Variants in BCLAF3 observed in about 807,000 individuals in gnomAD.
BCLAF3 encodes the protein BCLAF1 and THRAP3 family member 3.
Under a neutral mutation model 51.2 loss-of-function variants are expected in BCLAF3, and 24 were observed. The ratio of observed to expected loss-of-function variants is 0.47; its 90% CI spans 0.34 to 0.66. The LOEUF (loss-of-function observed/expected upper bound fraction) is 0.66. Among genes scored for constraint, BCLAF3 ranks in the 30% least tolerant of loss-of-function variants. BCLAF3 has a pLI of 0.01. For synonymous variants in BCLAF3, 152 were observed against 176.6 expected, an observed-to-expected ratio of 0.86 and a Z score of 1.10; for missense variants, 465 against 525.1, an observed-to-expected ratio of 0.89 and a Z score of 1.12.
chrX:19,918,815 C>A (rs899266279), intron 11 of BCLAF3, among the ~76,000 whole-genome samples: 8 of 110,151 alleles, frequency 7.3e-5, no homozygotes, highest in African/African-American at 2.6e-4. Flanking sequence ...GCTGGGATTA[C>A]AGGTGTGAGC....
intron 1 of BCLAF3, among the ~76,000 whole-genome samples, chrX:19,982,414 C>G (rs1038688014): frequency 1.9e-4 from 21 of 111,339 alleles, no homozygotes; most frequent in African/African-American, 6.5e-4. Flanking sequence ...AAGAGACCAT[C>G]ATGGATTATT....
chrX:19,930,004 A>C lies in BCLAF3; in HGVS notation c.1951-64T>G, dbSNP rs1188016943. On this transcript the variant is annotated intron_variant, in intron 10 of 11. Coordinates refer to ENST00000379682, the MANE Select transcript of BCLAF3 (RefSeq NM_001367774.2). ...ACCTTCCAAGTCTACTTTATTAGTA[A>C]ACAGATGAGTGGGTGGTTGGGTGCA... 5 of 1,102,102 alleles carry C rather than the reference A, an allele frequency of 4.5e-6. No homozygotes were observed. The East Asian group carries it at 1.5e-4, about 34-fold the overall frequency. 90.8% of individuals were successfully genotyped at this position (1,102,102 alleles called of 1,213,427 possible). A position where few individuals can be genotyped will look rare whatever the true frequency, so the allele number is the denominator to read the frequency against.
At chrX:19,979,361 A>G (rs1699713017) in intron 1 of BCLAF3, among the ~76,000 whole-genome samples, 1 of 111,771 alleles carries the variant, frequency 8.9e-6, no homozygotes, top group Non-Finnish European at 1.9e-5. Flanking sequence ...ATCAGTAGAA[A>G]GATGATGCGT....
chrX:19,985,478 C>T (rs1032956521), intron 1 of BCLAF3, among the ~76,000 whole-genome samples: 1 of 110,060 alleles, frequency 9.1e-6, no homozygotes, highest in East Asian at 2.8e-4. Flanking sequence ...CCTAGCTTCT[C>T]GGGAGGTTGA....
chrX:19,958,225 TA>T (rs2071731514), intron 4 of BCLAF3, among the ~76,000 whole-genome samples: 2 of 111,924 alleles, frequency 1.8e-5, no homozygotes, highest in Non-Finnish European at 3.8e-5. Context: ...GCGTTGTGGG[TA>T]ATAACCAAGA....
intron 1 of BCLAF3, among the ~76,000 whole-genome samples, chrX:19,985,332 G>A (rs772024285): frequency 4.6e-4 from 52 of 112,005 alleles, no homozygotes; most frequent in African/African-American, 1.5e-3. Context: ...TAATCCCACT[G>A]CTTTGGGAGG....
intron 6 of BCLAF3, 89 bp downstream of exon 6, chrX:19,953,689 A>C: frequency 1.6e-6 from 1 of 622,920 alleles, no homozygotes. Context: ...AGCCCAAGTG[A>C]GCAGGTTCGG....
In BCLAF3 at chrX:19,960,525, T is replaced by A. The variant is rs149636648; in HGVS notation, c.1274+4519A>T. Among the ~76,000 whole-genome samples the A allele has an allele frequency of 5.9e-3, 659 of 112,256 alleles. 9 individuals carry two copies. Among genetic ancestry groups the A allele is most frequent in the African/African-American group, 0.019 (598 of 30,934 alleles). On this transcript the variant is annotated intron_variant, in intron 4 of 11. Transcript: ENST00000379682. Reference sequence around the variant, plus strand: ...AGGGAACCTTCTCTCAATTAATTTTTGATTTTAAAATGCATATGAGAAATT... The same window carrying A: ...AGGGAACCTTCTCTCAATTAATTTTAGATTTTAAAATGCATATGAGAAATT...
chrX:19,971,710 C>T (rs1603336947), intron 1 of BCLAF3, among the ~76,000 whole-genome samples: 1 of 111,747 alleles, frequency 8.9e-6, no homozygotes, highest in Non-Finnish European at 1.9e-5. Context: ...TGGTCCCAAA[C>T]CCCTGGTGGC....
intron 11 of BCLAF3, among the ~76,000 whole-genome samples, chrX:19,927,205 C>A (rs751908627): frequency 2.9e-4 from 32 of 110,552 alleles, no homozygotes; most frequent in Non-Finnish European, 5.3e-4. Context: ...CCAGCCTGGG[C>A]AACAAGAATG....
rs1569507626 is a variant in BCLAF3, at chrX:19,965,058, TGTTTTCTTCACA to T, written c.1248_1259del (p.Asp416_Thr420delinsGlu). On this transcript the variant is annotated inframe_deletion, in exon 4 of 12. Transcript: ENST00000379682. ...AAAGATAATACCTGAATGTATCTAC[TGTTTTCTTCACA>T]TCTACTTTAACTGTAAGTGATTTCT... The T allele has an allele frequency of 8.6e-7, 1 of 1,161,963 alleles. No individual in the cohort carries two copies. The highest frequency in any genetic ancestry group is 1.1e-6 in the Non-Finnish European group (1 of 873,707).
intron 10 of BCLAF3, among the ~76,000 whole-genome samples, chrX:19,934,946 A>G (rs1370624137): frequency 1.8e-5 from 2 of 111,665 alleles, no homozygotes; most frequent in East Asian, 5.6e-4. Context: ...AGCACTTTGG[A>G]AGGCCAACGT....
At chrX:19,922,560 C>T (rs2070204006) in intron 11 of BCLAF3, among the ~76,000 whole-genome samples, 1 of 111,354 alleles carries the variant, frequency 9.0e-6, no homozygotes, top group Admixed American at 9.6e-5. Context: ...TAACATTATG[C>T]ACCAAATAGA....
chrX:19,929,093 G>C (rs1302527352), intron 11 of BCLAF3: 6 of 111,679 alleles, frequency 5.4e-5, no homozygotes, highest in Non-Finnish European at 1.1e-4. Context: ...AAAAAAATAA[G>C]TATGTGAGGT....
At position 19,977,713 on chromosome X, in the gene BCLAF3, C is replaced by T. The variant is rs750051829; in HGVS notation, c.-34-7415G>A. On this transcript the variant is annotated intron_variant, in intron 1 of 11. Transcript: ENST00000379682. ...ATGAAGGTGGTTACATTAAACAACA[C>T]GTTTTCAGTGTAGATGAAACAGCCT... 4.4e-5 allele frequency among the ~76,000 whole-genome samples: 5 copies of T among 112,677 alleles called. No homozygotes were observed. In the South Asian group the frequency reaches 1.1e-3, roughly 25 times the overall value.
intron 4 of BCLAF3, among the ~76,000 whole-genome samples, chrX:19,959,462 G>C (rs1304647013): frequency 1.8e-5 from 2 of 111,541 alleles, no homozygotes; most frequent in Non-Finnish European, 3.8e-5. Flanking sequence ...GTTTCAGCTA[G>C]AGAGATGATA....
chrX:19,955,680 T>A, intron 4 of BCLAF3, 114 bp from the exon 5 acceptor site: 1 of 572,431 alleles, frequency 1.7e-6, no homozygotes, highest in Non-Finnish European at 2.6e-6. Flanking sequence ...TTCTTATAAT[T>A]AAGGCACTAA....
intron 11 of BCLAF3, among the ~76,000 whole-genome samples, chrX:19,923,742 A>G (rs1289979003): frequency 9.0e-6 from 1 of 111,548 alleles, no homozygotes; most frequent in African/African-American, 3.3e-5. Context: ...GAATCATACA[A>G]TATGTGGTCT....
Position 19,983,887 on chromosome X carries a change from C to T in BCLAF3, c.-35+7021G>A, listed in dbSNP as rs747199583. The stretch of plus-strand genomic sequence containing the variant: ...AGTTCGAGACCAGCCTGGCAAACAC[C>T]GTGAAACCCCGTCTCCGCTAAAAAT... On this transcript the variant is annotated intron_variant, in intron 1 of 11. Transcript: ENST00000379682. Among the ~76,000 whole-genome samples the T allele has an allele frequency of 1.2e-4, 13 of 106,217 alleles. No homozygotes were observed. In the East Asian group the frequency reaches 3.3e-3, roughly 27 times the overall value. The allele number at this position is 106,217 out of a possible 115,157, so 92.2% of individuals were successfully genotyped here. A position where few individuals can be genotyped will look rare whatever the true frequency, so the allele number is the denominator to read the frequency against.
Sources: allele counts gnomAD v4.1 joint callset (sites outside exome capture counted in the v4.1 genomes callset), GRCh38; gene constraint gnomAD v4.1.1; transcripts MANE v1.5; gene names NCBI Gene and HGNC (gene_info 2026-07-23, HGNC 2026-07-21).